Variants in NR6A1 observed in about 807,000 individuals in gnomAD.
NR6A1 encodes the protein nuclear receptor subfamily 6 group A member 1, also known as retinoic acid receptor-related testis-associated receptor.
NR6A1 carries 7 observed loss-of-function variants against 59.1 expected under a neutral mutation model. The ratio of observed to expected loss-of-function variants is 0.12; its 90% CI spans 0.07 to 0.22. The LOEUF (loss-of-function observed/expected upper bound fraction) is 0.22. Ranked by LOEUF, NR6A1 falls within the 10% of genes least tolerant of loss-of-function variation. The pLI, the probability that NR6A1 is intolerant of heterozygous loss-of-function variation, is 1.00. For missense variants in NR6A1, 468 were observed against 611.6 expected (o/e 0.77, Z 2.48); for synonymous variants, 243 against 236.1 (o/e 1.03, Z -0.27).
chr9:124,531,876 C>T (rs1833108784), intron 7 of NR6A1, among the ~76,000 whole-genome samples: 1 of 152,224 alleles, frequency 6.6e-6, no homozygotes, highest in African/African-American at 2.4e-5. Context: ...ACAGTCACTG[C>T]TGCTTTGTCC....
At chr9:124,730,264 C>G (rs574899907) in intron 2 of NR6A1, among the ~76,000 whole-genome samples, 1 of 152,314 alleles carries the variant, frequency 6.6e-6, no homozygotes, top group East Asian at 1.9e-4. Flanking sequence ...GGGTCTTGCT[C>G]TGTGTCACCT....
At chr9:124,649,357 AG>A (rs1253214988) in intron 2 of NR6A1, among the ~76,000 whole-genome samples, 1 of 152,160 alleles carries the variant, frequency 6.6e-6, no homozygotes, top group Non-Finnish European at 1.5e-5. Flanking sequence ...CATTGGCAAA[AG>A]GACAGTCACT....
intron 1 of NR6A1, among the ~76,000 whole-genome samples, chr9:124,763,140 T>C (rs1840826700): frequency 6.6e-6 from 1 of 152,268 alleles, no homozygotes. Flanking sequence ...CCAGAAGTGC[T>C]TGGCATGTAC....
At chr9:124,721,593 C>T (rs1588828144) in intron 2 of NR6A1, among the ~76,000 whole-genome samples, 1 of 152,144 alleles carries the variant, frequency 6.6e-6, no homozygotes, top group African/African-American at 2.4e-5. Context: ...AAAGAACTCA[C>T]TTGAAAAATA....
chr9:124,742,176 T>C (rs1840189034), intron 1 of NR6A1, among the ~76,000 whole-genome samples: 1 of 152,174 alleles, frequency 6.6e-6, no homozygotes, highest in South Asian at 2.1e-4. Context: ...TATGTACACC[T>C]AGGAAGTTTG....
At chr9:124,670,458 T>C (rs1837758606) in intron 2 of NR6A1, among the ~76,000 whole-genome samples, 1 of 152,196 alleles carries the variant, frequency 6.6e-6, no homozygotes, top group Non-Finnish European at 1.5e-5. Flanking sequence ...AGATTATTTT[T>C]AGTTGTTGAG....
At chr9:124,693,884 C>T (rs1466516293) in intron 2 of NR6A1, 2 of 454,988 alleles carry the variant, frequency 4.4e-6, no homozygotes, top group African/African-American at 4.0e-5. Context: ...ATTTCCAAAA[C>T]ACTAGCTAAA....
At chr9:124,656,174 C>T (rs1412340604) in intron 2 of NR6A1, among the ~76,000 whole-genome samples, 1 of 152,118 alleles carries the variant, frequency 6.6e-6, no homozygotes, top group African/African-American at 2.4e-5. Flanking sequence ...TCCTCTCCTA[C>T]CATGTGATCT....
intron 2 of NR6A1, among the ~76,000 whole-genome samples, chr9:124,605,029 C>T (rs1190792086): frequency 6.6e-6 from 1 of 152,028 alleles, no homozygotes; most frequent in Non-Finnish European, 1.5e-5. Flanking sequence ...ACGCTGCTAA[C>T]CATTACAAAA....
intron 2 of NR6A1, among the ~76,000 whole-genome samples, chr9:124,579,605 G>C (rs1354461898): frequency 6.6e-6 from 1 of 151,892 alleles, no homozygotes; most frequent in Non-Finnish European, 1.5e-5. Context: ...AAAAAAAAAT[G>C]ACAATATCAA....
At chr9:124,554,244 T>G in intron 3 of NR6A1, 84 bp downstream of exon 3, 1 of 1,593,008 alleles carries the variant, frequency 6.3e-7, no homozygotes, top group Non-Finnish European at 8.6e-7. Flanking sequence ...AGTGCAAGCT[T>G]GAGGAATAAG....
chr9:124,625,904 T>C (rs548863038), intron 2 of NR6A1, among the ~76,000 whole-genome samples: 26 of 152,290 alleles, frequency 1.7e-4, no homozygotes, highest in Admixed American at 3.3e-4. Flanking sequence ...AACTGGAACA[T>C]TGGCTACCGT....
intron 1 of NR6A1, among the ~76,000 whole-genome samples, chr9:124,758,409 CA>C (rs1257833724): frequency 2.0e-5 from 3 of 152,288 alleles, no homozygotes; most frequent in Middle Eastern, 3.4e-3. Context: ...CTTAGGAAGA[CA>C]GCACTCTTCT....
Position 124,554,283 on chromosome 9 carries a change from G to A in NR6A1, c.385+45C>T, listed in dbSNP as rs200747819. The A allele has an allele frequency of 3.1e-4, 498 of 1,613,334 alleles. 3 individuals are homozygous for A. In the African/African-American group the frequency reaches 5.8e-3, roughly 19 times the overall value. ...CTAAACAGCTGACACTAAAGGTAAAGTTTTGAATGAAGGATGGGCCATCAG... is the reference window on the plus strand; with the variant it reads ...CTAAACAGCTGACACTAAAGGTAAAATTTTGAATGAAGGATGGGCCATCAG... On this transcript the variant is annotated intron_variant, in intron 3 of 9. Coordinates refer to ENST00000487099, the MANE Select transcript of NR6A1 (RefSeq NM_033334.4).
At chr9:124,710,167 G>A (rs565715702) in intron 2 of NR6A1, among the ~76,000 whole-genome samples, 8 of 152,106 alleles carry the variant, frequency 5.3e-5, no homozygotes, top group East Asian at 1.9e-4. Flanking sequence ...GATCAGACAC[G>A]AGACAAGTCA....
At chr9:124,532,735 TA>T (rs1464788060) in intron 7 of NR6A1, among the ~76,000 whole-genome samples, 3 of 152,198 alleles carry the variant, frequency 2.0e-5, no homozygotes, top group Non-Finnish European at 2.9e-5. Flanking sequence ...CAACGCTCAA[TA>T]AAACTTTATG....
chr9:124,530,388 C>T (rs918049483), intron 7 of NR6A1, among the ~76,000 whole-genome samples: 2 of 152,232 alleles, frequency 1.3e-5, no homozygotes, highest in Non-Finnish European at 1.5e-5. Context: ...CTCTGTTCCA[C>T]GGGCCTGCCT....
intron 2 of NR6A1, among the ~76,000 whole-genome samples, chr9:124,649,372 A>G (rs1020144261): frequency 6.6e-6 from 1 of 152,170 alleles, no homozygotes; most frequent in African/African-American, 2.4e-5. Context: ...AGTCACTCCA[A>G]TAAATGGCAC....
chr9:124,567,991 T>A (rs1221966101), intron 2 of NR6A1, among the ~76,000 whole-genome samples: 1 of 149,988 alleles, frequency 6.7e-6, no homozygotes, highest in South Asian at 2.1e-4. Flanking sequence ...CTGGCTAACA[T>A]GGTGAAACCC....
Sources: gnomAD v4.1 joint callset for allele counts (sites outside exome capture counted in the v4.1 genomes callset) on GRCh38, gnomAD v4.1.1 for gene constraint, MANE v1.5 for transcripts, NCBI Gene and HGNC (gene_info 2026-07-23, HGNC 2026-07-21) for gene names.